The following PIH1D2 variants were observed in gnomAD, a reference collection of about 807,000 sequenced individuals.
The protein encoded by PIH1D2 is PIH1 domain-containing protein 2.
A neutral mutation model predicts 31.2 loss-of-function variants in PIH1D2; 25 were observed. The ratio of observed to expected loss-of-function variants is 0.80; its 90% CI spans 0.58 to 1.12. The LOEUF is 1.12. Ranked by LOEUF, PIH1D2 falls within the 50% of genes most tolerant of loss-of-function variation. The pLI, the probability that PIH1D2 is intolerant of heterozygous loss-of-function variation, is 0.00. For synonymous variants in PIH1D2, 116 were observed against 119.9 expected, an observed-to-expected ratio of 0.97 and a Z score of 0.21; for missense variants, 310 against 356.6, an observed-to-expected ratio of 0.87 and a Z score of 1.05.
chr11:112,063,436 A>G (rs1436519523), downstream of PIH1D2: 1 of 152,644 alleles, frequency 6.6e-6, no homozygotes, highest in Non-Finnish European at 1.5e-5. Context: ...TATATATGGA[A>G]TAAGTGTACA....
intron 5 of PIH1D2, 162 bp downstream of exon 5, chr11:112,070,274 C>T (rs1311495539): frequency 1.9e-5 from 15 of 781,824 alleles, no homozygotes; most frequent in South Asian, 3.7e-5. Flanking sequence ...TTTCCCTTTG[C>T]TGAGATGTGA....
At chr11:112,071,340 T>C (rs587616065) in intron 3 of PIH1D2, 57 bp from the exon 4 acceptor site, 18 of 1,520,230 alleles carry the variant, frequency 1.2e-5, no homozygotes, top group Non-Finnish European at 1.6e-5. Flanking sequence ...CTAATGATAC[T>C]GTCAGGCAAT....
chr11:112,069,854 C>G (rs1260199863), intron 5 of PIH1D2: 5 of 153,510 alleles, frequency 3.3e-5, no homozygotes, highest in Admixed American at 1.9e-4. Flanking sequence ...TTACGGTTAT[C>G]TTCTCCCCAT....
downstream of PIH1D2, among the ~76,000 whole-genome samples, chr11:112,065,374 AAC>A (rs367872208): frequency 3.1e-4 from 47 of 152,366 alleles, 1 homozygote; most frequent in African/African-American, 1.1e-3. Flanking sequence ...TGAGTATACA[AAC>A]ACAGATACTG....
chr11:112,068,603 G>A (rs2135204612), intron 5 of PIH1D2, among the ~76,000 whole-genome samples: 1 of 152,126 alleles, frequency 6.6e-6, no homozygotes, highest in South Asian at 2.1e-4. Flanking sequence ...GGGCAACATG[G>A]CAAAACCCCG....
At chr11:112,062,733 A>C (rs1449395129), downstream of PIH1D2, 16 of 595,952 alleles carry the variant, frequency 2.7e-5, no homozygotes, top group Middle Eastern at 9.7e-4. Context: ...CACATTTAAT[A>C]ATCAGACACC....
intron 5 of PIH1D2, among the ~76,000 whole-genome samples, chr11:112,069,000 T>G (rs1289440429): frequency 1.9e-4 from 27 of 138,736 alleles, no homozygotes; most frequent in East Asian, 1.2e-3. Flanking sequence ...TTTTTTTTGT[T>G]TTTTTTTTTT....
In PIH1D2 at chr11:112,070,450, G is replaced by A; in HGVS notation, c.799C>T (p.Leu267Phe). Residue 267 changes from leucine (L) to phenylalanine (F), a missense_variant, in exon 5 of 6, where the codon CTT becomes TTT. Coordinates refer to ENST00000280350, the MANE Select transcript of PIH1D2 (RefSeq NM_138789.4). ...ATTCAACTTACCTCAGAAACACTAAGGTCACAGAGAGAGACAGAATTAATA... is the reference window on the plus strand; with the variant it reads ...ATTCAACTTACCTCAGAAACACTAAAGTCACAGAGAGAGACAGAATTAATA... The part of the protein sequence containing the change: ...PGINSVSLCD[L>F]SVSEDDLLIE... 1 of 1,613,808 alleles carries A rather than the reference G, an allele frequency of 6.2e-7. No homozygotes were observed. Among genetic ancestry groups the A allele is most frequent in the Non-Finnish European group, 8.5e-7 (1 of 1,179,844 alleles).
At chr11:112,060,158 ATTTTTTTTTTTT>A (rs782188808), downstream of PIH1D2, 19 of 568,680 alleles carry the variant, frequency 3.3e-5, no homozygotes, top group Non-Finnish European at 4.6e-5. Context: ...CTGTCACGTA[ATTTTTTTTTTTT>A]TTTTTTTTTT....
downstream of PIH1D2, among the ~76,000 whole-genome samples, chr11:112,062,115 C>T (rs1864670317): frequency 6.6e-6 from 1 of 152,076 alleles, no homozygotes; most frequent in African/African-American, 2.4e-5. Flanking sequence ...TGCAAATAAT[C>T]TGCCATTGTA....
chr11:112,054,678 A>G, the PIH1D2 span, among the ~76,000 whole-genome samples: 7 of 152,204 alleles, frequency 4.6e-5, no homozygotes, highest in African/African-American at 1.7e-4. Flanking sequence ...TAAACTGTAT[A>G]GTTTTCCAGG....
intron 5 of PIH1D2, 58 bp from the exon 6 acceptor site, chr11:112,068,063 T>G: frequency 8.3e-7 from 1 of 1,198,478 alleles, no homozygotes; most frequent in African/African-American, 1.5e-5. Flanking sequence ...TACTAACTTA[T>G]TGTTCCCAGT....
chr11:112,069,545 A>AC (rs1455538478), intron 5 of PIH1D2, among the ~76,000 whole-genome samples: 2 of 152,190 alleles, frequency 1.3e-5, no homozygotes, highest in Non-Finnish European at 2.9e-5. Context: ...TGAAGAGGCT[A>AC]CTTAGCATAT....
chr11:112,070,317 C>T, intron 5 of PIH1D2, 119 bp downstream of exon 5: 1 of 1,239,368 alleles, frequency 8.1e-7, no homozygotes, highest in Non-Finnish European at 1.1e-6. Context: ...TGCTCCTTCA[C>T]CGGGTAACCT....
intron 4 of PIH1D2, 22 bp from the exon 5 acceptor site, chr11:112,070,723 G>A: frequency 6.2e-7 from 1 of 1,601,244 alleles, no homozygotes; most frequent in Non-Finnish European, 8.5e-7. Context: ...AAAGGGTGGA[G>A]GGGAGATAAA....
downstream of PIH1D2, chr11:112,067,713 T>TATATATATATATATATA (rs1555184023): frequency 6.6e-5 from 17 of 255,744 alleles, no homozygotes; most frequent in Admixed American, 2.9e-4. Context: ...TATATATATA[T>TATATATATATATATATA]TTGACATAAC....
chr11:112,064,388 C>A (rs1252146504), downstream of PIH1D2: 1 of 574,418 alleles, frequency 1.7e-6, no homozygotes, highest in South Asian at 2.9e-5. Context: ...TATAAATCTT[C>A]AATATGTCTG....
In PIH1D2 at chr11:112,067,959, T is replaced by C. The variant is rs781899350; in HGVS notation, c.860A>G (p.Asn287Ser). Reference protein sequence around the residue: ...EVSEKYRLHLNLPKLIDTEMT... With the variant: ...EVSEKYRLHLSLPKLIDTEMT... ...TTCAGTATCAATAAGTTTTGGAAGA[T>C]TCAGATGTAATCTGTACTTCTCAGA... The change falls in exon 6 of 6, where the codon AAT becomes AGT. Residue 287 changes from asparagine (N) to serine (S), a missense_variant. Coordinates refer to ENST00000280350, the MANE Select transcript of PIH1D2 (RefSeq NM_138789.4). 5.6e-6 allele frequency: 9 copies of C among 1,607,012 alleles called. No homozygotes were observed. The highest frequency in any genetic ancestry group is 1.1e-5 in the South Asian group (1 of 90,876).
downstream of PIH1D2, among the ~76,000 whole-genome samples, chr11:112,064,941 A>G (rs1322280388): frequency 1.3e-5 from 2 of 151,706 alleles, no homozygotes; most frequent in East Asian, 3.9e-4. Context: ...TCTGGGTACA[A>G]GTGATTCTCC....
Sources: allele counts gnomAD v4.1 joint callset (sites outside exome capture counted in the v4.1 genomes callset), GRCh38; gene constraint gnomAD v4.1.1; transcripts MANE v1.5; gene names NCBI Gene and HGNC (gene_info 2026-07-23, HGNC 2026-07-21).